HDHD3: variants seen among roughly 807,000 people sequenced by gnomAD.
HDHD3 encodes the protein haloacid dehalogenase like hydrolase domain containing 3, also known as haloacid dehalogenase-like hydrolase domain-containing protein 3.
A neutral mutation model predicts 6.9 loss-of-function variants in HDHD3; 6 were observed. The ratio of observed to expected loss-of-function variants is 0.87; its 90% CI spans 0.48 to 1.72. The LOEUF (loss-of-function observed/expected upper bound fraction) is 1.72. Among genes scored for constraint, HDHD3 ranks in the 40% most tolerant of loss-of-function variants. The pLI is 0.01. For synonymous variants in HDHD3, 139 were observed against 140.7 expected, an observed-to-expected ratio of 0.99 and a Z score of 0.08; for missense variants, 308 against 327.4, an observed-to-expected ratio of 0.94 and a Z score of 0.46.
In HDHD3 at chr9:113,373,939, C is replaced by A; in HGVS notation, c.416G>T (p.Arg139Leu). 6.2e-7 allele frequency: 1 copy of A among 1,614,236 alleles called. No individual in the cohort carries two copies. The highest frequency in any genetic ancestry group is 8.5e-7 in the Non-Finnish European group (1 of 1,180,046). The stretch of plus-strand genomic sequence containing the variant: ...GCCCCCCAGGATGCCCTCTAGCCGT[C>A]GGTCAAAGTTGGAGATCACTGCCAG... The part of the protein sequence containing the change: ...LRLAVISNFD[R>L]RLEGILGGLG... The change falls in exon 3 of 3, where the codon CGA becomes CTA. Residue 139 changes from arginine (R) to leucine (L), a missense_variant. Transcript: ENST00000374180.
rs187901235 is a variant in HDHD3, at chr9:113,374,007, C to A, written c.348G>T (p.Gly116=). The part of the protein sequence containing the change: ...SHPCTWQVLD[G]AEDTLRECRT... ...GGCACTCCCTCAGGGTGTCCTCAGC[C>A]CCATCCAACACCTGCCAGGTGCAGG... The change falls in exon 3 of 3, where the codon GGG becomes GGT. Residue 116 remains glycine (G), a synonymous_variant. Transcript: ENST00000374180. 4 of 1,614,174 alleles carry A rather than the reference C, an allele frequency of 2.5e-6. No homozygotes were observed. In the Admixed American group the frequency reaches 6.7e-5, roughly 27 times the overall value.
intron 2 of HDHD3, among the ~76,000 whole-genome samples, chr9:113,374,891 T>TG (rs1271651018): frequency 2.0e-5 from 3 of 148,824 alleles, no homozygotes; most frequent in Admixed American, 2.0e-4. Context: ...TTAATTTTTT[T>TG]GTGAGACAGG....
Position 113,373,795 on chromosome 9 carries a change from G to A in HDHD3, c.560C>T (p.Ala187Val). 6.2e-7 allele frequency: 1 copy of A among 1,612,482 alleles called. No individual in the cohort carries two copies. The highest frequency in any genetic ancestry group is 1.1e-5 in the South Asian group (1 of 90,974). The change falls in exon 3 of 3, where the codon GCA becomes GTA. Residue 187 changes from alanine to valine, a missense_variant. Transcript: ENST00000374180. ...LRLAHMEPVVAAHVGDNYLCD... is the reference protein window; with the variant it reads ...LRLAHMEPVVVAHVGDNYLCD... ...GAGGTAATTATCCCCAACATGGGCT[G>A]CCACTACTGGTTCCATATGAGCAAG...
intron 2 of HDHD3, among the ~76,000 whole-genome samples, chr9:113,375,162 C>A (rs917618838): frequency 3.3e-5 from 5 of 152,204 alleles, no homozygotes; most frequent in Admixed American, 3.3e-4. Flanking sequence ...GGATTACAGG[C>A]ATGAGCCATC....
Position 113,373,687 on chromosome 9 carries a change from T to A in HDHD3, c.668A>T (p.Asp223Val), listed in dbSNP as rs62619247. The A allele has an allele frequency of 7.2e-4, 1,160 of 1,613,922 alleles. 9 individuals carry two copies. The African/African-American group carries it at 0.013, about 18-fold the overall frequency. Residue 223 changes from aspartate to valine, a missense_variant, in exon 3 of 3, where the codon GAT (aspartate) becomes GTT (valine). Transcript: ENST00000374180. ...GAGGATGTGTTCTTTAGGTACAGAA[T>A]CCCTGACCACGGGGTCCAGTGCCTG... is the stretch of plus-strand genomic sequence containing the variant. The part of the protein sequence containing the change: ...GPQALDPVVR[D>V]SVPKEHILPS...
At chr9:113,376,590 T>TTCCCCCCCCC (rs137860074) in intron 1 of HDHD3, 139 bp downstream of exon 1, 59 of 134,336 alleles carry the variant, frequency 4.4e-4, no homozygotes, top group Admixed American at 5.3e-4. Flanking sequence ...CTCGTGATCC[T>TTCCCCCCCCC]CCCCCGCCCC....
Position 113,373,485 on chromosome 9 carries a change from C to T in HDHD3, c.*114G>A, listed in dbSNP as rs978029544. On this transcript the variant is annotated 3_prime_UTR_variant, in exon 3 of 3. Transcript: ENST00000374180. ...TATTATCACAGTAGGTGACAAAGGC[C>T]GCAGGGAGAGGGGGAAAGGTCCAGA... 29 of 1,183,674 alleles carry T rather than the reference C, an allele frequency of 2.4e-5. No individual in the cohort carries two copies. Among genetic ancestry groups the T allele is most frequent in the African/African-American group, 9.2e-5 (6 of 65,380 alleles). The allele number at this position is 1,183,674 out of a possible 1,614,324, so 73.3% of individuals were successfully genotyped here.
At chr9:113,375,360 G>C (rs1395565367) in intron 2 of HDHD3, 93 bp downstream of exon 2, 1 of 152,238 alleles carries the variant, frequency 6.6e-6, no homozygotes, top group Non-Finnish European at 1.5e-5. Context: ...CATTATTAGG[G>C]ATGTCAAAGA....
intron 1 of HDHD3, 22 bp downstream of exon 1, chr9:113,376,707 G>A (rs1385580554): frequency 6.6e-6 from 1 of 152,026 alleles, no homozygotes; most frequent in East Asian, 1.9e-4. Context: ...GGGGCTCTGC[G>A]CTGCAGGCAC....
chr9:113,373,844 G>A lies in HDHD3; in HGVS notation c.511C>T (p.Arg171Cys), dbSNP rs1834390255. The change falls in exon 3 of 3, where the codon CGC becomes TGC. Residue 171 changes from arginine (R) to cysteine (C), a missense_variant. By Grantham distance (180) the Arg-to-Cys change is radical. Coordinates refer to ENST00000374180, the MANE Select transcript of HDHD3 (RefSeq NM_001304509.2). ...EAAGWPKPDPRIFQEALRLAH... is the reference protein window; with the variant it reads ...EAAGWPKPDPCIFQEALRLAH... ...AGCCGCAAGGCCTCCTGGAAAATGC[G>A]GGGGTCCGGCTTGGGCCAGCCAGCA... 1.9e-6 allele frequency: 3 copies of A among 1,614,140 alleles called. No homozygotes were observed. Among genetic ancestry groups the A allele is most frequent in the South Asian group, 1.1e-5 (1 of 91,078 alleles).
rs1834398721 is a variant in HDHD3, at chr9:113,374,041, A to C, written c.314T>G (p.Phe105Cys). ...CACCTGCCAGGTGCAGGGGTGGCTG[A>C]AGTCTTTATAAAGCTGTTCAGCGAT... Reference protein sequence around the residue: ...APIAEQLYKDFSHPCTWQVLD... With the variant: ...APIAEQLYKDCSHPCTWQVLD... Residue 105 changes from phenylalanine (F) to cysteine (C), a missense_variant, in exon 3 of 3, where the codon TTC becomes TGC. Physicochemically the swap from Phe to Cys is radical, Grantham distance 205. Transcript: ENST00000374180. 6.2e-7 allele frequency: 1 copy of C among 1,614,004 alleles called. No individual in the cohort carries two copies. Among genetic ancestry groups the C allele is most frequent in the African/African-American group, 1.3e-5 (1 of 74,924 alleles).
Position 113,373,894 on chromosome 9 carries a change from A to C in HDHD3, c.461T>G (p.Phe154Cys). ...AGCCTCGGAGGTCAGCACAAAGTCG[A>C]AGTGTTCACGCAGGCCAAGGCCCCC... is the stretch of plus-strand genomic sequence containing the variant. ...ILGGLGLREH[F>C]DFVLTSEAAG... Residue 154 changes from phenylalanine (F) to cysteine (C), a missense_variant, in exon 3 of 3, where the codon TTC (phenylalanine) becomes TGC (cysteine). Physicochemically the swap from Phe to Cys is radical, Grantham distance 205 (BLOSUM62 -2). Transcript: ENST00000374180. The C allele has an allele frequency of 6.2e-7, 1 of 1,614,246 alleles. No individual in the cohort carries two copies. Among genetic ancestry groups the C allele is most frequent in the East Asian group, 2.2e-5 (1 of 44,888 alleles).
rs764962426 is a variant in HDHD3, at chr9:113,373,644, G to GC, written c.710_711insG (p.Leu238ProfsTer5). On this transcript the variant is annotated frameshift_variant, in exon 3 of 3. Coordinates refer to ENST00000374180, the MANE Select transcript of HDHD3 (RefSeq NM_001304509.2). LOFTEE classifies it high-confidence loss of function. ...CCTCTAGGCAGTCAAGGGCAGGCAG[G>GC]AGATGGGCCAGAGAGGGGAGGATGT... 6.2e-7 allele frequency: 1 copy of GC among 1,608,838 alleles called. No homozygotes were observed. The highest frequency in any genetic ancestry group is 1.3e-5 in the African/African-American group (1 of 74,902).
Position 113,373,802 on chromosome 9 carries a change from C to T in HDHD3, c.553G>A (p.Val185Ile). 6.2e-7 allele frequency: 1 copy of T among 1,613,104 alleles called. No individual in the cohort carries two copies. Among genetic ancestry groups the T allele is most frequent in the Non-Finnish European group, 8.5e-7 (1 of 1,179,216 alleles). Residue 185 changes from valine to isoleucine, a missense_variant, in exon 3 of 3, where the codon GTA becomes ATA. By Grantham distance (29) the Val-to-Ile change is conservative. Coordinates refer to ENST00000374180, the MANE Select transcript of HDHD3 (RefSeq NM_001304509.2). The stretch of plus-strand genomic sequence containing the variant: ...TTATCCCCAACATGGGCTGCCACTA[C>T]TGGTTCCATATGAGCAAGCCGCAAG... ...EALRLAHMEP[V>I]VAAHVGDNYL...
At chr9:113,374,584 C>A in intron 2 of HDHD3, 55 bp from the exon 3 acceptor site, 1 of 412,034 alleles carries the variant, frequency 2.4e-6, no homozygotes. Flanking sequence ...ATCAGACAGA[C>A]TGGGTTCAAA....
Position 113,374,165 on chromosome 9 carries a change from C to T in HDHD3, c.190G>A (p.Gly64Ser), listed in dbSNP as rs199715854. 8.0e-5 allele frequency: 127 copies of T among 1,595,828 alleles called. No homozygotes were observed. The highest frequency in any genetic ancestry group is 2.2e-4 in the East Asian group (10 of 44,502). ...RAQSHSFPNY[G>S]LSHGLTSRQW... ...CGGGAGGTTAGGCCGTGGCTCAGGCCGTAGTTGGGGAAGCTGTGGCTCTGA... is the reference window on the plus strand; with the variant it reads ...CGGGAGGTTAGGCCGTGGCTCAGGCTGTAGTTGGGGAAGCTGTGGCTCTGA... Residue 64 changes from glycine to serine, a missense_variant, in exon 3 of 3, where the codon GGC (glycine) becomes AGC (serine). Physicochemically the swap from Gly to Ser is moderately conservative, Grantham distance 56. Transcript: ENST00000374180.
Position 113,373,904 on chromosome 9 carries a change from G to C in HDHD3, c.451C>G (p.Arg151Gly). ...LEGILGGLGL[R>G]EHFDFVLTSE... ...GTCAGCACAAAGTCGAAGTGTTCACGCAGGCCAAGGCCCCCCAGGATGCCC... is the reference window on the plus strand; with the variant it reads ...GTCAGCACAAAGTCGAAGTGTTCACCCAGGCCAAGGCCCCCCAGGATGCCC... The change falls in exon 3 of 3, where the codon CGT (arginine) becomes GGT (glycine). Residue 151 changes from arginine to glycine, a missense_variant. Arg to Gly is a moderately radical substitution (Grantham distance 125, BLOSUM62 -2). Coordinates refer to ENST00000374180, the MANE Select transcript of HDHD3 (RefSeq NM_001304509.2). 1 of 1,614,234 alleles carries C rather than the reference G, an allele frequency of 6.2e-7. No homozygotes were observed. Among genetic ancestry groups the C allele is most frequent in the Non-Finnish European group, 8.5e-7 (1 of 1,180,042 alleles).
chr9:113,375,294 G>A (rs1358671570), intron 2 of HDHD3, among the ~76,000 whole-genome samples, 159 bp downstream of exon 2: 2 of 151,686 alleles, frequency 1.3e-5, no homozygotes, highest in Non-Finnish European at 3.0e-5. Flanking sequence ...GGCAGGGCAA[G>A]TAGACAGAGG....
intron 2 of HDHD3, among the ~76,000 whole-genome samples, chr9:113,374,960 C>T (rs1051827791): frequency 1.3e-5 from 2 of 152,018 alleles, no homozygotes; most frequent in Non-Finnish European, 2.9e-5. Flanking sequence ...ATCTCCCAGG[C>T]TCAGTCAATC....
Sources: gnomAD v4.1 joint callset for allele counts (sites outside exome capture counted in the v4.1 genomes callset) on GRCh38, gnomAD v4.1.1 for gene constraint, MANE v1.5 for transcripts, NCBI Gene and HGNC (gene_info 2026-07-23, HGNC 2026-07-21) for gene names.